Variants in DNAH14 observed in about 807,000 individuals in gnomAD.
DNAH14 encodes dynein axonemal heavy chain 14, also known as axonemal beta dynein heavy chain 14.
In DNAH14, 478 loss-of-function variants were observed where a neutral mutation model predicts 520.9. The observed-to-expected ratio is 0.92, with a 90% CI of 0.85 to 0.99. The LOEUF is 0.99. DNAH14 is among the 50% of genes least tolerant of loss of function. The probability of loss-of-function intolerance (pLI) is 0.00; values close to 1 mark genes in which losing one functional copy is unlikely to be tolerated. For missense variants in DNAH14, 4,831 were observed against 5,234.5 expected (o/e 0.92, Z 2.38); for synonymous variants, 1,581 against 1,757.2 (o/e 0.90, Z 2.51).
intron 27 of DNAH14, among the ~76,000 whole-genome samples, chr1:225,125,717 T>C (rs144887496): frequency 6.6e-6 from 1 of 152,330 alleles, no homozygotes; most frequent in East Asian, 1.9e-4. Flanking sequence ...ATTAGTGTGT[T>C]CACAGGAGTA....
intron 84 of DNAH14, chr1:225,398,158 T>C: frequency 1.1e-5 from 2 of 177,004 alleles, no homozygotes; most frequent in South Asian, 3.2e-4. Flanking sequence ...TTGAGCACAG[T>C]GTACTCTGTC....
rs776903509 is a variant in DNAH14 at position 225,051,801 on chromosome 1, T to A, written c.2424+6T>A. 6.8e-7 allele frequency: 1 copy of A among 1,472,674 alleles called. No homozygotes were observed. Among genetic ancestry groups the A allele is most frequent in the South Asian group, 1.4e-5 (1 of 71,262 alleles). 91.2% of individuals were successfully genotyped at this position (1,472,674 alleles called of 1,614,324 possible). On this transcript the variant is annotated splice_donor_region_variant and intron_variant, in intron 17 of 85. Transcript: ENST00000682510. ...AGAACAAAAATTTATTGGAAGTAAG[T>A]ATTTTGAAAATTCTTATTGTGTAAG...
chr1:225,245,693 G>T (rs2092239632), intron 43 of DNAH14, among the ~76,000 whole-genome samples: 1 of 152,084 alleles, frequency 6.6e-6, no homozygotes. Flanking sequence ...TCTTCAAGGA[G>T]AACTACAAAC....
intron 73 of DNAH14, among the ~76,000 whole-genome samples, chr1:225,356,127 C>A (rs34809641): frequency 0.098 from 14,972 of 152,166 alleles, 1,013 homozygotes; most frequent in East Asian, 0.33. Flanking sequence ...TTTGTTTCTG[C>A]CTTTTGGCTA....
intron 41 of DNAH14, among the ~76,000 whole-genome samples, chr1:225,209,179 T>C (rs2087997106): frequency 1.3e-5 from 2 of 152,212 alleles, no homozygotes; most frequent in Admixed American, 6.5e-5. Flanking sequence ...ATACCAGATA[T>C]TGTGTATAAA....
intron 21 of DNAH14, among the ~76,000 whole-genome samples, chr1:225,090,533 TAGAC>T (rs2074281973): frequency 6.6e-6 from 1 of 152,052 alleles, no homozygotes; most frequent in African/African-American, 2.4e-5. Flanking sequence ...GGTTTAAAGA[TAGAC>T]AAGAAAGAGA....
chr1:225,207,177 T>C lies in DNAH14; in HGVS notation c.6396T>C (p.Asp2132=). ...TCATAACCCTCTGCAGAATTCTTGATGCTTTCTTTGACTTCATGGGTAAAA... is the reference window on the plus strand; with the variant it reads ...TCATAACCCTCTGCAGAATTCTTGACGCTTTCTTTGACTTCATGGGTAAAA... ...TVVITLCRIL[D]AFFDFMGKNG... Residue 2132 remains aspartate, a synonymous_variant, in exon 41 of 86, where the codon GAT becomes GAC. Transcript: ENST00000682510. 6.5e-7 allele frequency: 1 copy of C among 1,537,930 alleles called. No individual in the cohort carries two copies. The highest frequency in any genetic ancestry group is 1.4e-5 in the African/African-American group (1 of 72,534).
At chr1:225,352,876 T>C (rs2095385780) in intron 72 of DNAH14, among the ~76,000 whole-genome samples, 1 of 152,088 alleles carries the variant, frequency 6.6e-6, no homozygotes, top group Non-Finnish European at 1.5e-5. Context: ...CTCCCACAGT[T>C]TTCTCTCTTT....
chr1:225,174,174 A>G (rs1169557392), intron 36 of DNAH14, among the ~76,000 whole-genome samples: 1 of 152,176 alleles, frequency 6.6e-6, no homozygotes, highest in African/African-American at 2.4e-5. Context: ...TGACGAGTCG[A>G]TGGGTACAGC....
intron 28 of DNAH14, among the ~76,000 whole-genome samples, chr1:225,141,536 C>G (rs2079467028): frequency 6.6e-6 from 1 of 152,082 alleles, no homozygotes; most frequent in South Asian, 2.1e-4. Context: ...TTACTGCACC[C>G]TACTACTGCT....
chr1:224,995,381 C>T (rs2063327452), intron 8 of DNAH14, among the ~76,000 whole-genome samples: 1 of 151,990 alleles, frequency 6.6e-6, no homozygotes, highest in South Asian at 2.1e-4. Flanking sequence ...CCATTCTTCC[C>T]TGGCCTACAG....
Position 224,929,703 on chromosome 1 carries a change from G to C in DNAH14, c.-166G>C, listed in dbSNP as rs539535975. 11 of 702,434 alleles carry C rather than the reference G, an allele frequency of 1.6e-5. No individual in the cohort carries two copies. The African/African-American group carries it at 1.6e-4, about 10-fold the overall frequency. 43.5% of individuals were successfully genotyped at this position (702,434 alleles called of 1,614,324 possible). A position where few individuals can be genotyped will look rare whatever the true frequency, so the allele number is the denominator to read the frequency against. ...AGGCGGTTACGGCCAGGAGGCGTCG[G>C]AGCCTGGCGTGGTAGGGCTGTGCTG... is the stretch of plus-strand genomic sequence containing the variant. On this transcript the variant is annotated 5_prime_UTR_variant, in exon 1 of 86. Transcript: ENST00000682510.
chr1:224,980,418 T>C (rs1415771550), intron 8 of DNAH14, among the ~76,000 whole-genome samples: 3 of 151,812 alleles, frequency 2.0e-5, no homozygotes, highest in African/African-American at 7.3e-5. Context: ...GAAGGAAGAA[T>C]GGGAAGGACT....
intron 37 of DNAH14, among the ~76,000 whole-genome samples, chr1:225,185,946 GTTTTTTTTT>G (rs11443248): frequency 2.0e-5 from 2 of 98,784 alleles, no homozygotes; most frequent in Non-Finnish European, 3.9e-5. Context: ...ATTACACTTT[GTTTTTTTTT>G]TTTTTTTTGG....
At chr1:225,256,223 T>C (rs1360905219) in intron 44 of DNAH14, among the ~76,000 whole-genome samples, 1 of 152,154 alleles carries the variant, frequency 6.6e-6, no homozygotes, top group African/African-American at 2.4e-5. Flanking sequence ...TCCACACATA[T>C]ACAAACAACA....
intron 54 of DNAH14, among the ~76,000 whole-genome samples, chr1:225,282,731 C>T (rs1420177184): frequency 1.3e-5 from 2 of 152,180 alleles, no homozygotes; most frequent in East Asian, 3.9e-4. Flanking sequence ...TCAGCCATTA[C>T]TGAGGGTTGC....
chr1:225,335,454 TGC>T lies in DNAH14; in HGVS notation c.10081-1811_10081-1810del, dbSNP rs1558429656. On this transcript the variant is annotated intron_variant, in intron 66 of 85. Transcript: ENST00000682510. ...GTGTACATGTGTGTGTATGCACATA[TGC>T]ACGTGTGTACATGTGTGTGTATGCA... 1.4e-4 allele frequency among the ~76,000 whole-genome samples: 18 copies of T among 130,564 alleles called. 1 individual carries two copies. The highest frequency in any genetic ancestry group is 4.5e-4 in the African/African-American group (16 of 35,292). 85.7% of individuals were successfully genotyped at this position (130,564 alleles called of 152,430 possible).
chr1:225,152,183 C>A, intron 32 of DNAH14, 110 bp downstream of exon 32: 1 of 926,570 alleles, frequency 1.1e-6, no homozygotes, highest in South Asian at 1.7e-5. Context: ...TATCTGTCTC[C>A]ACCATCCTCT....
chr1:225,246,617 C>T (rs2092296993), intron 43 of DNAH14, among the ~76,000 whole-genome samples: 1 of 152,046 alleles, frequency 6.6e-6, no homozygotes, highest in African/African-American at 2.4e-5. Context: ...GGCCAACAAA[C>T]ATATGAAAAA....
Sources: gnomAD v4.1 joint callset for allele counts (sites outside exome capture counted in the v4.1 genomes callset) on GRCh38, gnomAD v4.1.1 for gene constraint, MANE v1.5 for transcripts, NCBI Gene and HGNC (gene_info 2026-07-23, HGNC 2026-07-21) for gene names.